Variants in BIN1 observed in about 807,000 individuals in gnomAD.
The protein encoded by BIN1 is bridging integrator 1, also known as myc box-dependent-interacting protein 1.
Under a neutral mutation model 82.0 loss-of-function variants are expected in BIN1, and 53 were observed. The ratio of observed to expected loss-of-function variants is 0.65; its 90% CI spans 0.52 to 0.81. BIN1 has a LOEUF of 0.81. BIN1 is among the 40% of genes least tolerant of loss of function. BIN1 has a pLI of 0.00. For missense variants in BIN1, 642 were observed against 784.4 expected, an observed-to-expected ratio of 0.82 and a Z score of 2.17; for synonymous variants, 302 against 328.0, an observed-to-expected ratio of 0.92 and a Z score of 0.86.
At chr2:127,052,495 G>A (rs1282275385) in intron 14 of BIN1, 133 bp from the exon 15 acceptor site, 35 of 806,262 alleles carry the variant, frequency 4.3e-5, no homozygotes, top group East Asian at 2.7e-4. Flanking sequence ...GGGTACCAGC[G>A]GAGCCCGGCC....
intron 2 of BIN1, among the ~76,000 whole-genome samples, chr2:127,075,984 C>G (rs1173839144): frequency 3.4e-5 from 5 of 149,228 alleles, no homozygotes; most frequent in African/African-American, 1.2e-4. Flanking sequence ...GCTCTCCCAG[C>G]TGCTCCCCAG....
At chr2:127,063,771 CGCAGCACTCAGGCTGGACACT>C in intron 8 of BIN1, 125 bp from the exon 9 acceptor site, 1 of 1,389,306 alleles carries the variant, frequency 7.2e-7, no homozygotes. Context: ...GCCCAGGCAC[CGCAGCACTCAGGCTGGACACT>C]GCAGCACACA....
chr2:127,080,042 C>A (rs1490400350), intron 1 of BIN1, among the ~76,000 whole-genome samples: 4 of 152,264 alleles, frequency 2.6e-5, no homozygotes, highest in Non-Finnish European at 4.4e-5. Flanking sequence ...TGGCCGAGGC[C>A]CAGGGAAGAC....
In BIN1 at chr2:127,100,660, G is replaced by A. The variant is rs1680194413; in HGVS notation, c.84+6200C>T. 2.0e-5 allele frequency among the ~76,000 whole-genome samples: 3 copies of A among 152,352 alleles called. No individual in the cohort carries two copies. In the South Asian group the frequency reaches 6.2e-4, roughly 32 times the overall value. On this transcript the variant is annotated intron_variant, in intron 1 of 18. Coordinates refer to ENST00000316724, the MANE Select transcript of BIN1 (RefSeq NM_139343.3). The stretch of plus-strand genomic sequence containing the variant: ...GTTAATATTTGACAAGGGCTTCCCT[G>A]TAGCAGGAAGAGCCTGCCTTTCTCT...
intron 1 of BIN1, among the ~76,000 whole-genome samples, chr2:127,105,835 G>A (rs1246618545): frequency 2.0e-5 from 3 of 152,232 alleles, no homozygotes; most frequent in African/African-American, 7.2e-5. Context: ...GCCTGGCCGC[G>A]GGGCACTGGG....
chr2:127,074,959 C>G (rs1050295956), intron 2 of BIN1, among the ~76,000 whole-genome samples: 4 of 152,180 alleles, frequency 2.6e-5, no homozygotes, highest in Non-Finnish European at 4.4e-5. Flanking sequence ...CCTTGGCCCC[C>G]CAAAGTGCTG....
intron 14 of BIN1, 105 bp from the exon 15 acceptor site, chr2:127,052,467 G>T: frequency 2.7e-6 from 3 of 1,111,132 alleles, no homozygotes; most frequent in Admixed American, 2.1e-5. Context: ...CAGCGGCTGG[G>T]GTTGGTGGGG....
intron 1 of BIN1, among the ~76,000 whole-genome samples, chr2:127,102,816 A>G (rs1448096671): frequency 6.6e-6 from 1 of 152,246 alleles, no homozygotes; most frequent in Non-Finnish European, 1.5e-5. Flanking sequence ...CATCTACATA[A>G]GTAACTCGGG....
At chr2:127,052,164 C>T (rs1425979979) in intron 15 of BIN1, 91 bp downstream of exon 15, 3 of 1,320,154 alleles carry the variant, frequency 2.3e-6, no homozygotes, top group Non-Finnish European at 3.2e-6. Context: ...TGGCCTGGTC[C>T]CTCCTGCAAC....
chr2:127,100,999 C>CGGGGGGGGG (rs1553487375), intron 1 of BIN1, among the ~76,000 whole-genome samples: 27 of 101,462 alleles, frequency 2.7e-4, no homozygotes, highest in Admixed American at 4.8e-4. Flanking sequence ...TAGGAATGTG[C>CGGGGGGGGG]GGGGGGTGGG....
intron 2 of BIN1, among the ~76,000 whole-genome samples, chr2:127,074,308 T>C (rs1686320089): frequency 6.6e-6 from 1 of 151,834 alleles, no homozygotes; most frequent in Admixed American, 6.6e-5. Flanking sequence ...CACACACCAA[T>C]CAAATCCAGA....
At chr2:127,079,524 C>G (rs994535590) in intron 1 of BIN1, among the ~76,000 whole-genome samples, 7 of 152,250 alleles carry the variant, frequency 4.6e-5, no homozygotes, top group Admixed American at 1.3e-4. Flanking sequence ...CACACTCTAC[C>G]TGCACATGGC....
intron 2 of BIN1, among the ~76,000 whole-genome samples, chr2:127,075,026 C>T (rs892136624): frequency 2.0e-5 from 3 of 152,176 alleles, no homozygotes; most frequent in African/African-American, 7.2e-5. Context: ...AAGGGGCCCC[C>T]ACCACCTCCA....
chr2:127,059,860 AGGGAGAAAATTCTCTAC>A lies in BIN1; in HGVS notation c.858-722_858-706del, dbSNP rs2104961794. Among the ~76,000 whole-genome samples the A allele has an allele frequency of 6.6e-6, 1 of 152,322 alleles. No homozygotes were observed. Among genetic ancestry groups the A allele is most frequent in the South Asian group, 2.1e-4 (1 of 4,828 alleles). The stretch of plus-strand genomic sequence containing the variant: ...ACCCCAGGCACAGGGGCGAAGGTGC[AGGGAGAAAATTCTCTAC>A]CAGAACCTGCACAGAGACGCCTAGA... On this transcript the variant is annotated intron_variant, in intron 10 of 18. Transcript: ENST00000316724. This position sits in a 1 kb window ranked among gnomAD's most constrained non-coding sequence, Gnocchi z 6.7.
Position 127,075,902 on chromosome 2 carries a change from C to G in BIN1, c.165+724G>C, listed in dbSNP as rs966607625. Among the ~76,000 whole-genome samples the G allele has an allele frequency of 5.7e-5, 8 of 140,320 alleles. No homozygotes were observed. The South Asian group carries it at 1.2e-3, about 21-fold the overall frequency. The allele number at this position is 140,320 out of a possible 152,430, so 92.1% of individuals were successfully genotyped here. On this transcript the variant is annotated intron_variant, in intron 2 of 18. Transcript: ENST00000316724. ...AGAATGCTCCCAGCCCTCCCAGCTG[C>G]CCCCAACCGCCCTCTCCCAGAATGC...
In BIN1 at chr2:127,067,153, T is replaced by A. The variant is rs2105039064; in HGVS notation, c.612+1010A>T. On this transcript the variant is annotated intron_variant, in intron 7 of 18. Transcript: ENST00000316724. This position sits in a 1 kb window ranked among gnomAD's most constrained non-coding sequence, Gnocchi z 4.7. ...AGCTCTCCACGTCACAGGCACTCAA[T>A]GAAGATGATGAAATCAAGAGGAGGC... is the stretch of plus-strand genomic sequence containing the variant. Among the ~76,000 whole-genome samples the A allele has an allele frequency of 6.7e-6, 1 of 150,204 alleles. No individual in the cohort carries two copies. Among genetic ancestry groups the A allele is most frequent in the South Asian group, 2.1e-4 (1 of 4,676 alleles).
intron 1 of BIN1, chr2:127,081,853 A>C (rs1184818989): frequency 7.8e-7 from 1 of 1,287,160 alleles, no homozygotes; most frequent in Admixed American, 2.3e-5. Flanking sequence ...TCTCCTCCCC[A>C]CCTGCCTGCA....
In BIN1 at chr2:127,052,245, G is replaced by A. The variant is rs1573539169; in HGVS notation, c.1371+10C>T. On this transcript the variant is annotated intron_variant, in intron 15 of 18. Transcript: ENST00000316724. ...GACAAGCCAGACAGGGGCTGGAGGT[G>A]GGCACTTACTTGGGCAGGCCCCGGC... 6.4e-7 allele frequency: 1 copy of A among 1,564,516 alleles called. No individual in the cohort carries two copies. Among genetic ancestry groups the A allele is most frequent in the East Asian group, 2.4e-5 (1 of 42,220 alleles).
chr2:127,079,731 A>G (rs1258993103), intron 1 of BIN1, among the ~76,000 whole-genome samples: 3 of 152,234 alleles, frequency 2.0e-5, no homozygotes, highest in Non-Finnish European at 4.4e-5. Context: ...CTGTGTCCCC[A>G]ACACCCACAC....
Sources: allele counts gnomAD v4.1 joint callset (sites outside exome capture counted in the v4.1 genomes callset), GRCh38; gene constraint gnomAD v4.1.1; non-coding constraint Gnocchi (gnomAD v3.1); transcripts MANE v1.5; gene names NCBI Gene and HGNC (gene_info 2026-07-23, HGNC 2026-07-21).